The following NRXN1 variants were observed in gnomAD, a reference collection of about 807,000 sequenced individuals.
NRXN1 encodes the protein neurexin-1.
NRXN1 carries 39 observed loss-of-function variants against 150.9 expected under a neutral mutation model. That is an observed-to-expected ratio of 0.26 (90% CI 0.20 to 0.34). NRXN1 has a LOEUF of 0.34. NRXN1 is among the 10% of genes least tolerant of loss of function. The pLI, the probability that NRXN1 is intolerant of heterozygous loss-of-function variation, is 1.00. For missense variants in NRXN1, 1,815 were observed against 1,949.9 expected (o/e 0.93, Z 1.30); for synonymous variants, 924 against 757.0 (o/e 1.22, Z -3.62).
At chr2:50,988,436 C>A (rs1199466419) in intron 2 of NRXN1, among the ~76,000 whole-genome samples, 1 of 151,858 alleles carries the variant, frequency 6.6e-6, no homozygotes, top group Non-Finnish European at 1.5e-5. Context: ...TTTGTTTGGA[C>A]AAATAAGAAT....
chr2:50,299,484 T>G (rs1333302567), intron 17 of NRXN1, among the ~76,000 whole-genome samples: 2 of 152,034 alleles, frequency 1.3e-5, no homozygotes, highest in East Asian at 1.9e-4. Context: ...AATTGATGTA[T>G]TTTACACTCT....
In NRXN1 at chr2:49,922,208, T is replaced by C; in HGVS notation, c.4260A>G (p.Ser1420=). Residue 1420 remains serine, a synonymous_variant, in exon 23 of 23, where the codon TCA becomes TCG. Coordinates refer to ENST00000401669, the MANE Select transcript of NRXN1 (RefSeq NM_001330078.2). ...RAGGREPYPG[S]AEVIRESSST... ...TGCTGGACTCCCGGATCACTTCTGC[T>C]GAGCCTGGATACGGCTCTCTGCCGC... The C allele has an allele frequency of 2.5e-6, 4 of 1,614,166 alleles. No homozygotes were observed. Among genetic ancestry groups the C allele is most frequent in the Non-Finnish European group, 2.5e-6 (3 of 1,180,026 alleles).
At chr2:50,988,154 A>G (rs370882364) in intron 2 of NRXN1, among the ~76,000 whole-genome samples, 1 of 152,012 alleles carries the variant, frequency 6.6e-6, no homozygotes, top group South Asian at 2.1e-4. Flanking sequence ...GCTGACAAAA[A>G]TAAGTCAGGC....
intron 5 of NRXN1, among the ~76,000 whole-genome samples, chr2:50,765,262 A>G (rs896153224): frequency 6.6e-6 from 1 of 152,010 alleles, no homozygotes; most frequent in African/African-American, 2.4e-5. Context: ...GTTCACTTCA[A>G]AACAAAAACT....
chr2:50,686,395 G>C (rs1344819215), intron 5 of NRXN1, among the ~76,000 whole-genome samples: 1 of 151,988 alleles, frequency 6.6e-6, no homozygotes, highest in Admixed American at 6.6e-5. Context: ...TTCTAAAAGG[G>C]GCTACTTTGG....
chr2:50,572,072 A>G (rs1330145080), intron 8 of NRXN1, among the ~76,000 whole-genome samples: 1 of 152,170 alleles, frequency 6.6e-6, no homozygotes, highest in African/African-American at 2.4e-5. Context: ...CGGGTTGCAG[A>G]GAAGTCCTTT....
At chr2:50,200,638 T>C (rs2062092706) in intron 18 of NRXN1, among the ~76,000 whole-genome samples, 1 of 152,140 alleles carries the variant, frequency 6.6e-6, no homozygotes, top group African/African-American at 2.4e-5. Flanking sequence ...ACATCCAATA[T>C]ATCAAAGACT....
intron 5 of NRXN1, chr2:50,829,519 C>A: frequency 6.2e-7 from 1 of 1,607,040 alleles, no homozygotes. Context: ...AGCACAGTGG[C>A]AAGTGCGATG....
At chr2:50,271,435 T>C (rs2069612545) in intron 17 of NRXN1, among the ~76,000 whole-genome samples, 1 of 152,200 alleles carries the variant, frequency 6.6e-6, no homozygotes, top group African/African-American at 2.4e-5. Context: ...ATTTTTTAAA[T>C]TGGTGCAGTG....
chr2:50,621,968 A>G (rs1680101726), intron 6 of NRXN1, among the ~76,000 whole-genome samples: 1 of 152,148 alleles, frequency 6.6e-6, no homozygotes, highest in Admixed American at 6.6e-5. Flanking sequence ...GCAAATCTAG[A>G]AAGTGGACTC....
chr2:49,957,982 C>G (rs1163134411), intron 21 of NRXN1, among the ~76,000 whole-genome samples: 1 of 152,132 alleles, frequency 6.6e-6, no homozygotes, highest in Non-Finnish European at 1.5e-5. Flanking sequence ...TTAAATTCTT[C>G]CCTATGTCTT....
chr2:50,390,273 T>A (rs1291998199), intron 17 of NRXN1, among the ~76,000 whole-genome samples: 1 of 152,140 alleles, frequency 6.6e-6, no homozygotes, highest in African/African-American at 2.4e-5. Flanking sequence ...ATAAGGATGA[T>A]TAAGTTTTCC....
intron 17 of NRXN1, among the ~76,000 whole-genome samples, chr2:50,413,907 G>A (rs892816821): frequency 1.3e-5 from 2 of 152,040 alleles, no homozygotes; most frequent in African/African-American, 4.8e-5. Context: ...GCATTATTAT[G>A]TTAAGTGAAA....
chr2:50,736,402 G>T (rs4971691), intron 5 of NRXN1, among the ~76,000 whole-genome samples: 1 of 151,968 alleles, frequency 6.6e-6, no homozygotes, highest in Non-Finnish European at 1.5e-5. Flanking sequence ...GCAATTTTGT[G>T]TGTGTTTGTG....
At chr2:50,309,133 G>C (rs1275637019) in intron 17 of NRXN1, among the ~76,000 whole-genome samples, 1 of 152,126 alleles carries the variant, frequency 6.6e-6, no homozygotes, top group Non-Finnish European at 1.5e-5. Context: ...CCCATTTATA[G>C]ATTTGTTATT....
chr2:50,781,675 T>C (rs1704370461), intron 5 of NRXN1, among the ~76,000 whole-genome samples: 1 of 152,254 alleles, frequency 6.6e-6, no homozygotes. Context: ...ACTTTTCACT[T>C]TATAAAGCAA....
At chr2:50,322,405 A>T (rs1409374923) in intron 17 of NRXN1, among the ~76,000 whole-genome samples, 1 of 152,198 alleles carries the variant, frequency 6.6e-6, no homozygotes, top group Non-Finnish European at 1.5e-5. Flanking sequence ...AATTACAGTA[A>T]AATGTGTGTA....
chr2:50,864,784 G>T (rs1051906265), intron 5 of NRXN1, among the ~76,000 whole-genome samples: 1 of 151,964 alleles, frequency 6.6e-6, no homozygotes, highest in East Asian at 1.9e-4. Flanking sequence ...TTTGAAACTT[G>T]GTTTTTGATG....
intron 21 of NRXN1, among the ~76,000 whole-genome samples, chr2:49,955,397 C>A (rs1397762831): frequency 1.3e-5 from 2 of 152,066 alleles, no homozygotes; most frequent in African/African-American, 4.8e-5. Context: ...TACCCCATGG[C>A]TGGAAATGTA....
Sources: gnomAD v4.1 joint callset for allele counts (sites outside exome capture counted in the v4.1 genomes callset) on GRCh38, gnomAD v4.1.1 for gene constraint, MANE v1.5 for transcripts, NCBI Gene and HGNC (gene_info 2026-07-23, HGNC 2026-07-21) for gene names.